The following UBAC2 variants were observed in gnomAD, a reference collection of about 807,000 sequenced individuals.
UBAC2 encodes ubiquitin-associated domain-containing protein 2.
A neutral mutation model predicts 44.0 loss-of-function variants in UBAC2; 26 were observed. The ratio of observed to expected loss-of-function variants is 0.59; its 90% confidence interval spans 0.43 to 0.82. The LOEUF (loss-of-function observed/expected upper bound fraction) is 0.82. UBAC2 is among the 40% of genes least tolerant of loss of function. UBAC2 has a pLI of 0.00. For synonymous variants in UBAC2, 155 were observed against 154.3 expected, an observed-to-expected ratio of 1.00 and a Z score of -0.04; for missense variants, 329 against 419.4, an observed-to-expected ratio of 0.78 and a Z score of 1.88.
chr13:99,240,127 TTTG>T lies in UBAC2; in HGVS notation c.159+1575_159+1577del, dbSNP rs534254377. Reference sequence around the variant, plus strand: ...GGGCTCAGTTGATGAAGGGCTTTATTTTGTAAGTTCTGAACCTCCAGATTTTGG... The same window carrying T: ...GGGCTCAGTTGATGAAGGGCTTTATTTAAGTTCTGAACCTCCAGATTTTGG... On this transcript the variant is annotated intron_variant, in intron 2 of 8. Coordinates refer to ENST00000403766, the MANE Select transcript of UBAC2 (RefSeq NM_001144072.2). Among the ~76,000 whole-genome samples, 79 of 152,228 alleles carry T rather than the reference TTTG, an allele frequency of 5.2e-4. 1 individual carries two copies. The highest frequency in any genetic ancestry group is 4.6e-3 in the Admixed American group (70 of 15,282).
At chr13:99,356,569 C>T (rs1052136459) in intron 7 of UBAC2, among the ~76,000 whole-genome samples, 2 of 152,180 alleles carry the variant, frequency 1.3e-5, no homozygotes, top group African/African-American at 2.4e-5. Context: ...AAAGTGAAAC[C>T]GAGAGCTGCA....
At chr13:99,211,837 G>A (rs574222775) in intron 1 of UBAC2, among the ~76,000 whole-genome samples, 17 of 152,222 alleles carry the variant, frequency 1.1e-4, no homozygotes. Flanking sequence ...CTTGAGCCCT[G>A]GTCATTGGAA....
chr13:99,257,776 A>C (rs1346591238), intron 4 of UBAC2, among the ~76,000 whole-genome samples: 1 of 152,214 alleles, frequency 6.6e-6, no homozygotes, highest in South Asian at 2.1e-4. Flanking sequence ...CTAAATATAC[A>C]TATGATTTAC....
In UBAC2 at chr13:99,340,372, G is replaced by C. The variant is rs373767362; in HGVS notation, c.614G>C (p.Cys205Ser). The change falls in exon 7 of 9, where the codon TGC becomes TCC. Residue 205 changes from cysteine (C) to serine (S), a missense_variant. Coordinates refer to ENST00000403766, the MANE Select transcript of UBAC2 (RefSeq NM_001144072.2). ...ATGTTCCAGGTGCATCAGGTGCTCT[G>C]CATCCCCAGCTGGATGGCAAAATTC... ...SKMFQVHQVLCIPSWMAKFFS... is the reference protein window; with the variant it reads ...SKMFQVHQVLSIPSWMAKFFS... 3.0e-5 allele frequency: 48 copies of C among 1,614,084 alleles called. No individual in the cohort carries two copies. The highest frequency in any genetic ancestry group is 3.8e-5 in the Non-Finnish European group (45 of 1,180,040).
chr13:99,351,361 A>G (rs2045085048), intron 7 of UBAC2: 1 of 354,742 alleles, frequency 2.8e-6, no homozygotes, highest in Non-Finnish European at 5.5e-6. Flanking sequence ...CTGTTTTTGT[A>G]CAATCTGAAG....
intron 7 of UBAC2, among the ~76,000 whole-genome samples, chr13:99,360,663 T>C (rs920641671): frequency 6.6e-6 from 1 of 152,204 alleles, no homozygotes; most frequent in Non-Finnish European, 1.5e-5. Flanking sequence ...GCTTGCTCTC[T>C]TCTCCATCGT....
In UBAC2 at chr13:99,228,638, G is replaced by C. The variant is rs78291444; in HGVS notation, c.32-9789G>C. Among the ~76,000 whole-genome samples, 977 of 152,246 alleles carry C rather than the reference G, an allele frequency of 6.4e-3. 6 individuals are homozygous for C. The highest frequency in any genetic ancestry group is 0.023 in the African/African-American group (948 of 41,550). On this transcript the variant is annotated intron_variant, in intron 1 of 8. Transcript: ENST00000403766. ...TTCATTTTCTTCTCGTAACACTTTT[G>C]AGGTAGGTTCTCATCTCCATTTTAC...
intron 4 of UBAC2, among the ~76,000 whole-genome samples, chr13:99,278,742 A>G (rs1189823292): frequency 6.6e-6 from 1 of 152,212 alleles, no homozygotes; most frequent in East Asian, 1.9e-4. Flanking sequence ...TATTTAAAAA[A>G]TAAACTTTGT....
intron 4 of UBAC2, among the ~76,000 whole-genome samples, chr13:99,289,226 T>G (rs890166398): frequency 6.6e-6 from 1 of 152,190 alleles, no homozygotes; most frequent in Non-Finnish European, 1.5e-5. Context: ...GCATATACTG[T>G]AAAAGCCAGA....
At chr13:99,239,301 T>C (rs972534706) in intron 2 of UBAC2, among the ~76,000 whole-genome samples, 6 of 152,258 alleles carry the variant, frequency 3.9e-5, no homozygotes, top group Non-Finnish European at 7.3e-5. Flanking sequence ...TGTCAGAAGA[T>C]AGTGTAGCTT....
At chr13:99,223,882 A>G (rs1392933715) in intron 1 of UBAC2, among the ~76,000 whole-genome samples, 1 of 151,958 alleles carries the variant, frequency 6.6e-6, no homozygotes, top group Non-Finnish European at 1.5e-5. Context: ...AATTTTTTTG[A>G]GGACTCTTTT....
At chr13:99,253,075 G>T (rs563322937) in intron 4 of UBAC2, among the ~76,000 whole-genome samples, 1 of 150,240 alleles carries the variant, frequency 6.7e-6, no homozygotes, top group Admixed American at 6.6e-5. Context: ...TTAAATATAT[G>T]TAAGATATAC....
At chr13:99,282,644 C>CA (rs1418861206) in intron 4 of UBAC2, among the ~76,000 whole-genome samples, 2 of 152,158 alleles carry the variant, frequency 1.3e-5, no homozygotes, top group African/African-American at 2.4e-5. Context: ...ACTCAGGTAA[C>CA]AGACAGCAAA....
At chr13:99,299,890 A>G (rs1335389008) in intron 4 of UBAC2, among the ~76,000 whole-genome samples, 1 of 152,190 alleles carries the variant, frequency 6.6e-6, no homozygotes, top group Non-Finnish European at 1.5e-5. Flanking sequence ...AGTGGTTCTT[A>G]AAAGCCACGC....
chr13:99,328,700 AACTG>A (rs2044673588), intron 6 of UBAC2, among the ~76,000 whole-genome samples: 1 of 152,118 alleles, frequency 6.6e-6, no homozygotes, highest in South Asian at 2.1e-4. Context: ...TTTATCTTCT[AACTG>A]ACTTAAAATA....
chr13:99,245,003 T>G (rs1363093258), intron 4 of UBAC2, among the ~76,000 whole-genome samples: 1 of 152,076 alleles, frequency 6.6e-6, no homozygotes, highest in African/African-American at 2.4e-5. Flanking sequence ...TGGCTAATTT[T>G]TGTATTTTTT....
Position 99,216,078 on chromosome 13 carries a change from A to G in UBAC2, c.31+15139A>G, listed in dbSNP as rs553184972. On this transcript the variant is annotated intron_variant, in intron 1 of 8. Transcript: ENST00000403766. ...ATGGCAATTACTTTTGTACCAACCTATATTTGTGTGTGTGTGTGTGTGTGT... is the reference window on the plus strand; with the variant it reads ...ATGGCAATTACTTTTGTACCAACCTGTATTTGTGTGTGTGTGTGTGTGTGT... Among the ~76,000 whole-genome samples the G allele has an allele frequency of 6.1e-3, 523 of 86,358 alleles. 3 individuals are homozygous for G. Among genetic ancestry groups the G allele is most frequent in the African/African-American group, 0.016 (424 of 25,762 alleles). 56.7% of individuals were successfully genotyped at this position (86,358 alleles called of 152,430 possible).
chr13:99,236,721 G>GCA (rs1566460531), intron 1 of UBAC2, among the ~76,000 whole-genome samples: 5 of 152,096 alleles, frequency 3.3e-5, no homozygotes, highest in Admixed American at 1.3e-4. Flanking sequence ...ATGGTGGTGG[G>GCA]TGCCTGTAAT....
chr13:99,208,031 C>T (rs926178434), intron 1 of UBAC2, among the ~76,000 whole-genome samples: 1 of 123,064 alleles, frequency 8.1e-6, no homozygotes, highest in Non-Finnish European at 1.6e-5. Context: ...GAGTTTCGCT[C>T]TTGTTGCCCA....
Sources: allele counts gnomAD v4.1 joint callset (sites outside exome capture counted in the v4.1 genomes callset), GRCh38; gene constraint gnomAD v4.1.1; transcripts MANE v1.5; gene names NCBI Gene and HGNC (gene_info 2026-07-23, HGNC 2026-07-21).